The following TYW1B variants were observed in gnomAD, a reference collection of about 807,000 sequenced individuals.
The protein encoded by TYW1B is tRNA-yW synthesizing protein 1 homolog B, also known as S-adenosyl-L-methionine-dependent tRNA 4-demethylwyosine synthase TYW1B.
TYW1B carries 73 observed loss-of-function variants against 86.9 expected under a neutral mutation model. The observed-to-expected ratio is 0.84, with a 90% CI of 0.70 to 1.02. The LOEUF is 1.02. Ranked by LOEUF, TYW1B falls within the 50% of genes least tolerant of loss-of-function variation. The pLI is 0.00. For missense variants in TYW1B, 637 were observed against 827.4 expected, an observed-to-expected ratio of 0.77 and a Z score of 2.82; for synonymous variants, 248 against 292.8, an observed-to-expected ratio of 0.85 and a Z score of 1.56.
At chr7:72,763,367 C>T (rs1787719926) in intron 7 of TYW1B, among the ~76,000 whole-genome samples, 1 of 149,036 alleles carries the variant, frequency 6.7e-6, no homozygotes, top group Non-Finnish European at 1.5e-5. Context: ...ACTGCAACCT[C>T]CGCCTCCTGG....
Position 72,826,942 on chromosome 7 carries a change from T to G in TYW1B, c.48A>C (p.Ser16=). The G allele has an allele frequency of 1.2e-6, 2 of 1,613,916 alleles. No individual in the cohort carries two copies. The highest frequency in any genetic ancestry group is 1.1e-5 in the South Asian group (1 of 91,028). ...AAATGTAAAACCTGTTTATCCATAA[T>G]GATATTAAAGGTGAGGAGAGGTCCC... ...DTWDLSSPLI[S]LWINRFYIYL... The change falls in exon 2 of 14, where the codon TCA becomes TCC. Residue 16 remains serine, a synonymous_variant. Coordinates refer to ENST00000620995, the MANE Select transcript of TYW1B (RefSeq NM_001145440.3).
In TYW1B at chr7:72,676,976, A is replaced by T. The variant is rs117161474; in HGVS notation, c.1506+17711T>A. On this transcript the variant is annotated intron_variant, in intron 11 of 13. Transcript: ENST00000620995. ...CTGTCTCAAAAAAAAAACCAAACAA[A>T]CCAAAAAACTGTTTTAACATCATAT... Among the ~76,000 whole-genome samples the T allele has an allele frequency of 9.2e-3, 1,398 of 152,040 alleles. 13 individuals carry two copies. Among genetic ancestry groups the T allele is most frequent in the Admixed American group, 0.024 (365 of 15,244 alleles).
chr7:72,689,658 G>A (rs1247581989), intron 11 of TYW1B, among the ~76,000 whole-genome samples: 1 of 152,198 alleles, frequency 6.6e-6, no homozygotes, highest in Non-Finnish European at 1.5e-5. Flanking sequence ...CTTATGACAC[G>A]ATGTTAAACA....
intron 6 of TYW1B, among the ~76,000 whole-genome samples, chr7:72,798,269 T>C (rs1410658309): frequency 6.6e-6 from 1 of 151,824 alleles, no homozygotes; most frequent in African/African-American, 2.4e-5. Flanking sequence ...CAGGCGCCTG[T>C]AGTCCCAGCT....
At chr7:72,615,841 C>T (rs1253414274) in intron 13 of TYW1B, among the ~76,000 whole-genome samples, 1 of 151,866 alleles carries the variant, frequency 6.6e-6, no homozygotes, top group African/African-American at 2.4e-5. Context: ...ACAGGAGACA[C>T]AGCTGAAGCA....
chr7:72,641,775 G>T (rs1489754799), intron 11 of TYW1B, among the ~76,000 whole-genome samples: 1 of 152,138 alleles, frequency 6.6e-6, no homozygotes, highest in Non-Finnish European at 1.5e-5. Flanking sequence ...CCACTTCGTT[G>T]TTCATGTTAA....
chr7:72,779,293 G>T (rs556134758), intron 6 of TYW1B, among the ~76,000 whole-genome samples: 45 of 152,206 alleles, frequency 3.0e-4, no homozygotes, highest in Non-Finnish European at 5.7e-4. Flanking sequence ...GTATACAAAG[G>T]GTACCTAGGG....
At chr7:72,744,993 T>C (rs1554463432) in intron 7 of TYW1B, among the ~76,000 whole-genome samples, 1 of 152,126 alleles carries the variant, frequency 6.6e-6, no homozygotes, top group Non-Finnish European at 1.5e-5. Context: ...TAAAGAAGGA[T>C]GGGTAAGGGA....
At chr7:72,809,380 A>G (rs1788558812) in intron 4 of TYW1B, among the ~76,000 whole-genome samples, 1 of 152,104 alleles carries the variant, frequency 6.6e-6, no homozygotes, top group Non-Finnish European at 1.5e-5. Flanking sequence ...CTCAGGCTGG[A>G]CACATTCATG....
intron 11 of TYW1B, among the ~76,000 whole-genome samples, chr7:72,688,091 T>C (rs1489332502): frequency 6.6e-6 from 1 of 152,178 alleles, no homozygotes; most frequent in African/African-American, 2.4e-5. Context: ...TTCAATTTTA[T>C]AAGTGAAATA....
intron 11 of TYW1B, among the ~76,000 whole-genome samples, chr7:72,645,719 A>T (rs528282958): frequency 2.8e-4 from 43 of 152,246 alleles, no homozygotes; most frequent in African/African-American, 9.6e-4. Context: ...AAACCAGGCA[A>T]ATCTACCTTA....
intron 6 of TYW1B, among the ~76,000 whole-genome samples, chr7:72,794,099 T>TC (rs1199500385): frequency 6.6e-6 from 1 of 152,132 alleles, no homozygotes; most frequent in Non-Finnish European, 1.5e-5. Flanking sequence ...AATTGGCCTG[T>TC]CCCCTCCAAA....
At position 72,802,455 on chromosome 7, in the gene TYW1B, G is replaced by A; in HGVS notation, c.791C>T (p.Ser264Phe). 6.2e-7 allele frequency: 1 copy of A among 1,613,770 alleles called. No individual in the cohort carries two copies. The highest frequency in any genetic ancestry group is 8.5e-7 in the Non-Finnish European group (1 of 1,179,820). ...FGGEDHQSLN[S>F]IVDVEDLGKI... is the part of the protein sequence containing the mutation. ...GCCCAAATCTTCAACATCAACAATG[G>A]AATTTAGGCTCTGATGGTCCTCACC... The change falls in exon 6 of 14, where the codon TCC (serine) becomes TTC (phenylalanine). Residue 264 changes from serine (S) to phenylalanine (F), a missense_variant. Coordinates refer to ENST00000620995, the MANE Select transcript of TYW1B (RefSeq NM_001145440.3).
intron 7 of TYW1B, among the ~76,000 whole-genome samples, chr7:72,771,506 T>C (rs1368847066): frequency 2.0e-5 from 3 of 152,154 alleles, no homozygotes; most frequent in South Asian, 2.1e-4. Context: ...TACCTCTAAA[T>C]AGTAAATTTA....
intron 11 of TYW1B, among the ~76,000 whole-genome samples, chr7:72,646,806 G>C (rs532776233): frequency 6.6e-6 from 1 of 152,334 alleles, no homozygotes; most frequent in East Asian, 1.9e-4. Context: ...CAGAACTGTA[G>C]AATGCTGATG....
chr7:72,641,764 G>C (rs1450296116), intron 11 of TYW1B, among the ~76,000 whole-genome samples: 1 of 152,158 alleles, frequency 6.6e-6, no homozygotes, highest in Non-Finnish European at 1.5e-5. Context: ...TGTATGAAAT[G>C]CCACTTCGTT....
At chr7:72,723,776 T>C (rs1786948083) in intron 9 of TYW1B, among the ~76,000 whole-genome samples, 1 of 152,104 alleles carries the variant, frequency 6.6e-6, no homozygotes, top group East Asian at 1.9e-4. Flanking sequence ...CCTATCCCTT[T>C]ATGGTCTTTT....
At chr7:72,752,710 G>A (rs895147350) in intron 7 of TYW1B, among the ~76,000 whole-genome samples, 5 of 150,512 alleles carry the variant, frequency 3.3e-5, no homozygotes, top group African/African-American at 9.8e-5. Flanking sequence ...CAGCCTGGGC[G>A]ACAGAATGAG....
At chr7:72,591,028 C>A (rs2129567818) in intron 13 of TYW1B, among the ~76,000 whole-genome samples, 1 of 151,718 alleles carries the variant, frequency 6.6e-6, no homozygotes. Context: ...AATTCTGGAA[C>A]TAAAAAGTAT....
Sources: allele counts gnomAD v4.1 joint callset (sites outside exome capture counted in the v4.1 genomes callset), GRCh38; gene constraint gnomAD v4.1.1; transcripts MANE v1.5; gene names NCBI Gene and HGNC (gene_info 2026-07-23, HGNC 2026-07-21).